The following NKAIN2 variants were observed in gnomAD, a reference collection of about 807,000 sequenced individuals.
NKAIN2 encodes sodium/potassium-transporting ATPase subunit beta-1-interacting protein 2.
A neutral mutation model predicts 32.6 loss-of-function variants in NKAIN2; 14 were observed. The ratio of observed to expected loss-of-function variants is 0.43; its 90% CI spans 0.28 to 0.67. The LOEUF (loss-of-function observed/expected upper bound fraction) is 0.67. NKAIN2 is among the 30% of genes least tolerant of loss of function. The pLI, the probability that NKAIN2 is intolerant of heterozygous loss-of-function variation, is 0.17. For synonymous variants in NKAIN2, 80 were observed against 87.2 expected (o/e 0.92, Z 0.46); for missense variants, 198 against 258.3 (o/e 0.77, Z 1.60).
intron 1 of NKAIN2, among the ~76,000 whole-genome samples, chr6:124,183,501 A>C (rs1402300518): frequency 6.6e-6 from 1 of 152,088 alleles, no homozygotes; most frequent in Non-Finnish European, 1.5e-5. Context: ...TGTTTCCTAC[A>C]TGACATAGCC....
At chr6:124,720,517 C>A (rs1164513702) in intron 4 of NKAIN2, among the ~76,000 whole-genome samples, 2 of 152,156 alleles carry the variant, frequency 1.3e-5, no homozygotes, top group Non-Finnish European at 2.9e-5. Context: ...TGAATTGCTA[C>A]CTTTCAAATA....
chr6:124,076,291 C>T (rs1461308729), intron 1 of NKAIN2, among the ~76,000 whole-genome samples: 3 of 152,230 alleles, frequency 2.0e-5, no homozygotes, highest in Non-Finnish European at 4.4e-5. Context: ...AGGATGTCCA[C>T]TGTCTGAGCT....
intron 4 of NKAIN2, among the ~76,000 whole-genome samples, chr6:124,725,281 T>A (rs946643690): frequency 6.6e-6 from 1 of 152,114 alleles, no homozygotes; most frequent in African/African-American, 2.4e-5. Context: ...ATTTGTCACA[T>A]AAGCTGGAGT....
At chr6:124,178,442 C>T (rs574580007) in intron 1 of NKAIN2, among the ~76,000 whole-genome samples, 164 of 151,920 alleles carry the variant, frequency 1.1e-3, no homozygotes, top group African/African-American at 3.4e-3. Flanking sequence ...GGACTACAGG[C>T]GCCCGCCACC....
At chr6:124,092,137 A>C (rs2144652) in intron 1 of NKAIN2, among the ~76,000 whole-genome samples, 1 of 152,014 alleles carries the variant, frequency 6.6e-6, no homozygotes, top group Non-Finnish European at 1.5e-5. Context: ...ATTGCTTTCT[A>C]TTTTGTTTTC....
At chr6:124,208,299 A>G (rs1457091573) in intron 1 of NKAIN2, among the ~76,000 whole-genome samples, 3 of 151,862 alleles carry the variant, frequency 2.0e-5, no homozygotes, top group African/African-American at 7.2e-5. Context: ...GATTGTCCTA[A>G]GTTCTCAGTG....
At chr6:124,689,077 C>T (rs1173220788) in intron 4 of NKAIN2, among the ~76,000 whole-genome samples, 3 of 152,020 alleles carry the variant, frequency 2.0e-5, no homozygotes, top group Non-Finnish European at 4.4e-5. Context: ...ATTGCTATAC[C>T]ATTTTGCATT....
chr6:124,397,969 C>T (rs762345736), intron 3 of NKAIN2, among the ~76,000 whole-genome samples: 5 of 151,788 alleles, frequency 3.3e-5, no homozygotes, highest in South Asian at 2.1e-4. Context: ...TGAAGATACC[C>T]GGGGCCGGGC....
chr6:124,063,827 T>C (rs2114861977), intron 1 of NKAIN2, among the ~76,000 whole-genome samples: 1 of 152,292 alleles, frequency 6.6e-6, no homozygotes, highest in Middle Eastern at 3.4e-3. Flanking sequence ...AGGAATGGAA[T>C]TGAGCAGTAT....
At chr6:123,999,834 G>A (rs143768254) in intron 1 of NKAIN2, among the ~76,000 whole-genome samples, 15 of 152,166 alleles carry the variant, frequency 9.9e-5, no homozygotes, top group African/African-American at 3.4e-4. Flanking sequence ...ACTTAATTTG[G>A]CAGGGTCCTT....
chr6:124,251,281 T>C (rs1793682464), intron 1 of NKAIN2, among the ~76,000 whole-genome samples: 2 of 152,044 alleles, frequency 1.3e-5, no homozygotes, highest in East Asian at 1.9e-4. Context: ...AGGAGACAGA[T>C]TGAAAACTAA....
chr6:124,810,374 A>G (rs1389223488), intron 5 of NKAIN2, among the ~76,000 whole-genome samples: 1 of 152,082 alleles, frequency 6.6e-6, no homozygotes, highest in Non-Finnish European at 1.5e-5. Flanking sequence ...TCAGTAAACT[A>G]TCACAAGAAC....
intron 1 of NKAIN2, among the ~76,000 whole-genome samples, chr6:124,072,483 AAAT>A (rs1485691321): frequency 6.6e-6 from 1 of 152,194 alleles, no homozygotes; most frequent in African/African-American, 2.4e-5. Flanking sequence ...TTATTTTAAA[AAAT>A]AACATTAAAA....
intron 5 of NKAIN2, among the ~76,000 whole-genome samples, chr6:124,803,672 T>C (rs918840047): frequency 1.3e-5 from 2 of 152,200 alleles, no homozygotes; most frequent in African/African-American, 4.8e-5. Context: ...TAGACCTCCC[T>C]CTGGTCTCTT....
intron 3 of NKAIN2, among the ~76,000 whole-genome samples, chr6:124,535,197 T>C (rs1042445939): frequency 1.3e-5 from 2 of 152,218 alleles, no homozygotes; most frequent in African/African-American, 4.8e-5. Flanking sequence ...ACTACACTTA[T>C]TGTATCTTTC....
chr6:124,493,796 G>A (rs1402479968), intron 3 of NKAIN2, among the ~76,000 whole-genome samples: 1 of 145,498 alleles, frequency 6.9e-6, no homozygotes, highest in Non-Finnish European at 1.5e-5. Flanking sequence ...CACTGACACT[G>A]GCCACTCATC....
chr6:124,181,029 AC>A (rs1358551286), intron 1 of NKAIN2, among the ~76,000 whole-genome samples: 2 of 152,172 alleles, frequency 1.3e-5, no homozygotes, highest in African/African-American at 4.8e-5. Flanking sequence ...GCTGCAGCAC[AC>A]CTCAGCCTGG....
chr6:124,753,925 G>C (rs1055151760), intron 4 of NKAIN2, among the ~76,000 whole-genome samples: 82 of 152,170 alleles, frequency 5.4e-4, no homozygotes, highest in African/African-American at 1.9e-3. Flanking sequence ...CAAACTTTAC[G>C]TGGGGAAATA....
At chr6:123,923,389 A>AT (rs1775849838) in intron 1 of NKAIN2, among the ~76,000 whole-genome samples, 1 of 151,458 alleles carries the variant, frequency 6.6e-6, no homozygotes, top group Non-Finnish European at 1.5e-5. Context: ...GATTGATTAT[A>AT]TTAGAGTTTG....
Sources: allele counts gnomAD v4.1 joint callset (sites outside exome capture counted in the v4.1 genomes callset), GRCh38; gene constraint gnomAD v4.1.1; transcripts MANE v1.5; gene names NCBI Gene and HGNC (gene_info 2026-07-23, HGNC 2026-07-21).